Variants in ADNP2 observed in about 807,000 individuals in gnomAD.
ADNP2 encodes the protein ADNP homeobox 2, also known as activity-dependent neuroprotector homeobox protein 2.
Under a neutral mutation model 16.4 loss-of-function variants are expected in ADNP2, and 8 were observed. The observed-to-expected ratio is 0.49, with a 90% CI of 0.29 to 0.88. The LOEUF (loss-of-function observed/expected upper bound fraction) is 0.88, where lower values mean the gene tolerates loss of function less well. Among genes scored for constraint, ADNP2 ranks in the 40% least tolerant of loss-of-function variants. ADNP2 has a pLI of 0.09. For missense variants in ADNP2, 1,397 were observed against 1,395.1 expected, an observed-to-expected ratio of 1.00 and a Z score of -0.02; for synonymous variants, 637 against 545.8, an observed-to-expected ratio of 1.17 and a Z score of -2.33.
Position 80,138,909 on chromosome 18 carries a change from CAGT to C in ADNP2, c.*101_*103del. 8.8e-7 allele frequency: 1 copy of C among 1,136,388 alleles called. No individual in the cohort carries two copies. The allele number at this position is 1,136,388 out of a possible 1,614,324, so 70.4% of individuals were successfully genotyped here. A position where few individuals can be genotyped will look rare whatever the true frequency, so the allele number is the denominator to read the frequency against. On this transcript the variant is annotated 3_prime_UTR_variant, in exon 4 of 4. Coordinates refer to ENST00000262198, the MANE Select transcript of ADNP2 (RefSeq NM_014913.4). The stretch of plus-strand genomic sequence containing the variant: ...CCTCACTGTGTTGGTGAATCAACCT[CAGT>C]GGTCACTGTGCTGCTCTGCAGAGTT...
chr18:80,117,668 G>T lies in ADNP2; in HGVS notation c.108+18G>T, dbSNP rs2052398296. ...TACTGAAGGTAAGAGGACGTAAGTA[G>T]CCAACTGGAATCTGGAGGTGAGATT... is the stretch of plus-strand genomic sequence containing the variant. On this transcript the variant is annotated intron_variant, in intron 2 of 3. Coordinates refer to ENST00000262198, the MANE Select transcript of ADNP2 (RefSeq NM_014913.4). 6.4e-7 allele frequency: 1 copy of T among 1,574,210 alleles called. No individual in the cohort carries two copies. The highest frequency in any genetic ancestry group is 8.6e-7 in the Non-Finnish European group (1 of 1,156,828).
rs569926046 is a variant in ADNP2 at position 80,120,253 on chromosome 18, A to G, written c.108+2603A>G. Among the ~76,000 whole-genome samples the G allele has an allele frequency of 2.5e-4, 38 of 152,350 alleles. No homozygotes were observed. In the South Asian group the frequency reaches 6.8e-3, roughly 27 times the overall value. On this transcript the variant is annotated intron_variant, in intron 2 of 3. Coordinates refer to ENST00000262198, the MANE Select transcript of ADNP2 (RefSeq NM_014913.4). ...GAATTCACGATGGTTACCACTGAGC[A>G]TTAAATCCCTTGAGCACAGGCTTTG...
At position 80,117,570 on chromosome 18, in the gene ADNP2, G is replaced by A. The variant is rs1568408730; in HGVS notation, c.28G>A (p.Asp10Asn). 1.9e-6 allele frequency: 3 copies of A among 1,593,970 alleles called. No individual in the cohort carries two copies. The highest frequency in any genetic ancestry group is 2.6e-6 in the Non-Finnish European group (3 of 1,174,554). Residue 10 changes from aspartate to asparagine, a missense_variant, in exon 2 of 4, where the codon GAC becomes AAC. Around this residue, in one of 3 missense-constraint regions of ADNP2, gnomAD observed 777 missense variants for 719.4 expected, o/e 1.08. Coordinates refer to ENST00000262198, the MANE Select transcript of ADNP2 (RefSeq NM_014913.4). The stretch of plus-strand genomic sequence containing the variant: ...GTTTCAAATTCCTGTGGAAAATCTT[G>A]ACAACATCAGAAAGGTGCGAAAAAA... MFQIPVENLDNIRKVRKKVK... is the reference protein window; with the variant it reads MFQIPVENLNNIRKVRKKVK...
In ADNP2 at chr18:80,133,180, T is replaced by A; in HGVS notation, c.186T>A (p.Ser62=). The change falls in exon 3 of 4, where the codon TCT becomes TCA. Residue 62 remains serine (S), a synonymous_variant. Transcript: ENST00000262198. ...SWGDVSLWEP[S]GKKVRYRTKP... Reference sequence around the variant, plus strand: ...GTGATGTTTCTCTCTGGGAACCTTCTGGAAAGAAAGTGGTATGTATTTTTT... The same window carrying A: ...GTGATGTTTCTCTCTGGGAACCTTCAGGAAAGAAAGTGGTATGTATTTTTT... The A allele has an allele frequency of 6.2e-7, 1 of 1,612,944 alleles. No homozygotes were observed. The highest frequency in any genetic ancestry group is 8.5e-7 in the Non-Finnish European group (1 of 1,178,950).
intron 3 of ADNP2, among the ~76,000 whole-genome samples, chr18:80,134,557 G>A (rs11665511): frequency 0.18 from 27,465 of 151,880 alleles, 2,754 homozygotes; most frequent in Middle Eastern, 0.25. Context: ...CTGGGGAGCA[G>A]GTGTTTTGTG....
intron 2 of ADNP2, among the ~76,000 whole-genome samples, chr18:80,118,969 T>A (rs1156844900): frequency 2.0e-5 from 3 of 152,184 alleles, no homozygotes; most frequent in Non-Finnish European, 4.4e-5. Context: ...TACAGAAGTT[T>A]TTTATAGGAA....
chr18:80,111,860 A>G (rs370253021), intron 1 of ADNP2, among the ~76,000 whole-genome samples: 3 of 152,114 alleles, frequency 2.0e-5, no homozygotes, highest in South Asian at 2.1e-4. Flanking sequence ...TTTCTTTTAG[A>G]ATGTATTTTT....
At position 80,138,787 on chromosome 18, in the gene ADNP2, T is replaced by A; in HGVS notation, c.3374T>A (p.Leu1125Ter). The change falls in exon 4 of 4, where the codon TTG becomes TAG. Residue 1125 changes from leucine to a stop codon, truncating the protein, a stop_gained. Coordinates refer to ENST00000262198, the MANE Select transcript of ADNP2 (RefSeq NM_014913.4). LOFTEE classifies it high-confidence loss of function. ...MSELKNVKHRLNFEYEP is the reference protein window; with the variant it reads ...MSELKNVKHR ...GAACTTAAAAATGTGAAACATAGAT[T>A]GAACTTTGAATATGAACCATAAAAC... 6.5e-7 allele frequency: 1 copy of A among 1,547,726 alleles called. No individual in the cohort carries two copies. The highest frequency in any genetic ancestry group is 8.7e-7 in the Non-Finnish European group (1 of 1,155,166).
chr18:80,138,277 T>G lies in ADNP2; in HGVS notation c.2864T>G (p.Phe955Cys). Residue 955 changes from phenylalanine (F) to cysteine (C), a missense_variant, in exon 4 of 4, where the codon TTT becomes TGT. Physicochemically the swap from Phe to Cys is radical, Grantham distance 205. This residue lies in a region of ADNP2 where 611 missense variants were observed against 648.7 expected (regional missense o/e 0.94). Coordinates refer to ENST00000262198, the MANE Select transcript of ADNP2 (RefSeq NM_014913.4). The part of the protein sequence containing the change: ...SSSDLQAQPG[F>C]IHNSELLLVS... Reference sequence around the variant, plus strand: ...TCAGACCTGCAGGCCCAGCCGGGTTTTATTCACAACAGTGAACTGCTTTTA... The same window carrying G: ...TCAGACCTGCAGGCCCAGCCGGGTTGTATTCACAACAGTGAACTGCTTTTA... 1 of 1,614,144 alleles carries G rather than the reference T, an allele frequency of 6.2e-7. No homozygotes were observed. Among genetic ancestry groups the G allele is most frequent in the Non-Finnish European group, 8.5e-7 (1 of 1,180,044 alleles).
In ADNP2 at chr18:80,137,838, C is replaced by G; in HGVS notation, c.2425C>G (p.Gln809Glu). 1 of 1,614,112 alleles carries G rather than the reference C, an allele frequency of 6.2e-7. No individual in the cohort carries two copies. Among genetic ancestry groups the G allele is most frequent in the Non-Finnish European group, 8.5e-7 (1 of 1,180,040 alleles). ...LPMDYSNRGF[Q>E]LDVDANGNLL... ...TATGGATTATAGCAACAGAGGTTTTCAATTAGATGTCGATGCCAATGGCAA... is the reference window on the plus strand; with the variant it reads ...TATGGATTATAGCAACAGAGGTTTTGAATTAGATGTCGATGCCAATGGCAA... The change falls in exon 4 of 4, where the codon CAA (glutamine) becomes GAA (glutamate). Residue 809 changes from glutamine to glutamate, a missense_variant. Physicochemically the swap from Gln to Glu is conservative, Grantham distance 29. Coordinates refer to ENST00000262198, the MANE Select transcript of ADNP2 (RefSeq NM_014913.4). The surrounding 1 kb of genome is among the most constrained non-coding windows in gnomAD (Gnocchi z 4.2).
At position 80,137,415 on chromosome 18, in the gene ADNP2, G is replaced by A; in HGVS notation, c.2002G>A (p.Ala668Thr). Reference sequence around the variant, plus strand: ...GCCCTCTCCTCCAGTGCTGGTGAATGCTGCTCAGAGCGTGTTTGTTCAGGC... The same window carrying A: ...GCCCTCTCCTCCAGTGCTGGTGAATACTGCTCAGAGCGTGTTTGTTCAGGC... The part of the protein sequence containing the change: ...GMPSPPVLVN[A>T]AQSVFVQASS... The change falls in exon 4 of 4, where the codon GCT becomes ACT. Residue 668 changes from alanine (A) to threonine (T), a missense_variant. By Grantham distance (58) the Ala-to-Thr change is moderately conservative. Coordinates refer to ENST00000262198, the MANE Select transcript of ADNP2 (RefSeq NM_014913.4). The surrounding 1 kb of genome is among the most constrained non-coding windows in gnomAD (Gnocchi z 4.2). 1 of 1,614,196 alleles carries A rather than the reference G, an allele frequency of 6.2e-7. No homozygotes were observed. The highest frequency in any genetic ancestry group is 1.1e-5 in the South Asian group (1 of 91,086).
At chr18:80,122,365 A>T (rs538211112) in intron 2 of ADNP2, among the ~76,000 whole-genome samples, 2 of 152,254 alleles carry the variant, frequency 1.3e-5, no homozygotes, top group African/African-American at 4.8e-5. Flanking sequence ...ATGAGGATAG[A>T]CTTTTCCATT....
chr18:80,121,354 C>T (rs540622940), intron 2 of ADNP2, among the ~76,000 whole-genome samples: 1 of 152,292 alleles, frequency 6.6e-6, no homozygotes, highest in South Asian at 2.1e-4. Context: ...TGGAAAAATG[C>T]CTGTTGGCAG....
rs754048041 is a variant in ADNP2, at chr18:80,139,987, T to TC, written c.*1182dup. ...CTGTGGATGTTAAACCTCGTTTTTT[T>TC]CCCCACACGATATTAAAACTTAAAG... is the stretch of plus-strand genomic sequence containing the variant. On this transcript the variant is annotated 3_prime_UTR_variant, in exon 4 of 4. Transcript: ENST00000262198. 1.3e-5 allele frequency: 2 copies of TC among 152,134 alleles called. No homozygotes were observed. The highest frequency in any genetic ancestry group is 2.9e-5 in the Non-Finnish European group (2 of 68,032). The allele number at this position is 152,134 out of a possible 1,614,324, so 9.4% of individuals were successfully genotyped here. A position where few individuals can be genotyped will look rare whatever the true frequency, so the allele number is the denominator to read the frequency against.
intron 1 of ADNP2, among the ~76,000 whole-genome samples, chr18:80,112,447 AG>A (rs1365454946): frequency 1.3e-5 from 2 of 151,630 alleles, no homozygotes; most frequent in African/African-American, 4.8e-5. Context: ...AAAAAAAAGG[AG>A]GGGGGAACTT....
At position 80,129,664 on chromosome 18, in the gene ADNP2, A is replaced by G. The variant is rs143266676; in HGVS notation, c.109-3439A>G. Among the ~76,000 whole-genome samples the G allele has an allele frequency of 7.9e-5, 12 of 152,312 alleles. No individual in the cohort carries two copies. The East Asian group carries it at 2.3e-3, about 29-fold the overall frequency. ...TTCAAGTTAAACATTTTGGGCTAGA[A>G]TATATATGATGTTCTATGCTTCTTG... On this transcript the variant is annotated intron_variant, in intron 2 of 3. Coordinates refer to ENST00000262198, the MANE Select transcript of ADNP2 (RefSeq NM_014913.4).
intron 2 of ADNP2, among the ~76,000 whole-genome samples, chr18:80,131,043 T>C (rs1297195666): frequency 6.6e-6 from 1 of 152,174 alleles, no homozygotes; most frequent in African/African-American, 2.4e-5. Flanking sequence ...TGTTTTGTCT[T>C]AGGCCATTTT....
At chr18:80,114,639 CTATA>C (rs1296529999) in intron 1 of ADNP2, among the ~76,000 whole-genome samples, 2 of 152,144 alleles carry the variant, frequency 1.3e-5, no homozygotes, top group African/African-American at 2.4e-5. Context: ...GTCTATATAA[CTATA>C]TAGATTATCA....
Position 80,117,656 on chromosome 18 carries a change from A to G in ADNP2, c.108+6A>G. On this transcript the variant is annotated splice_donor_region_variant and intron_variant, in intron 2 of 3. Transcript: ENST00000262198. ...GCTGCAAGGAGTTACTGAAGGTAAG[A>G]GGACGTAAGTAGCCAACTGGAATCT... The G allele has an allele frequency of 1.3e-6, 2 of 1,594,742 alleles. No individual in the cohort carries two copies. The highest frequency in any genetic ancestry group is 1.7e-6 in the Non-Finnish European group (2 of 1,171,866).
Sources: allele counts gnomAD v4.1 joint callset (sites outside exome capture counted in the v4.1 genomes callset), GRCh38; gene constraint gnomAD v4.1.1; regional missense constraint gnomAD v4.1.1; non-coding constraint Gnocchi (gnomAD v3.1); transcripts MANE v1.5; gene names NCBI Gene and HGNC (gene_info 2026-07-23, HGNC 2026-07-21).